Variants in CFAP47 observed in about 807,000 individuals in gnomAD.
CFAP47 encodes the protein cilia and flagella associated protein 47.
A neutral mutation model predicts 148.1 loss-of-function variants in CFAP47; 29 were observed. The ratio of observed to expected loss-of-function variants is 0.20; its 90% CI spans 0.15 to 0.27. The LOEUF (loss-of-function observed/expected upper bound fraction) is 0.27, where lower values mean the gene tolerates loss of function less well. Ranked by LOEUF, CFAP47 falls within the 10% of genes least tolerant of loss-of-function variation. The pLI is 1.00. For missense variants in CFAP47, 1,872 were observed against 1,697.5 expected, an observed-to-expected ratio of 1.10 and a Z score of -1.81; for synonymous variants, 664 against 577.3, an observed-to-expected ratio of 1.15 and a Z score of -2.15.
intron 39 of CFAP47, among the ~76,000 whole-genome samples, chrX:36,174,229 A>G (rs1256873685): frequency 9.1e-6 from 1 of 109,722 alleles, no homozygotes; most frequent in African/African-American, 3.3e-5. Context: ...AATACAGCAC[A>G]CTGATGGGTC....
In CFAP47 at chrX:36,243,566, A is replaced by G. The variant is rs185138322; in HGVS notation, c.7332+6707A>G. On this transcript the variant is annotated intron_variant, in intron 48 of 63. Coordinates refer to ENST00000378653, the MANE Select transcript of CFAP47 (RefSeq NM_001304548.2). Reference sequence around the variant, plus strand: ...AGATAAAATAGAGTTTAAACCAACAACAATTAAGAAGAACAAAAAAAGGCA... The same window carrying G: ...AGATAAAATAGAGTTTAAACCAACAGCAATTAAGAAGAACAAAAAAAGGCA... Among the ~76,000 whole-genome samples, 536 of 105,188 alleles carry G rather than the reference A, an allele frequency of 5.1e-3. 1 individual carries two copies. The highest frequency in any genetic ancestry group is 0.017 in the African/African-American group (512 of 29,638). 91.3% of individuals were successfully genotyped at this position (105,188 alleles called of 115,157 possible). A position where few individuals can be genotyped will look rare whatever the true frequency, so the allele number is the denominator to read the frequency against.
intron 29 of CFAP47, among the ~76,000 whole-genome samples, chrX:36,080,865 C>T (rs1043792974): frequency 2.7e-5 from 3 of 111,369 alleles, no homozygotes; most frequent in African/African-American, 9.8e-5. Flanking sequence ...ACCAACACAG[C>T]GCATGTATAC....
chrX:36,269,191 A>G (rs1714709963), intron 49 of CFAP47, among the ~76,000 whole-genome samples: 2 of 112,208 alleles, frequency 1.8e-5, no homozygotes, highest in South Asian at 3.6e-4. Flanking sequence ...TAACTCATAG[A>G]AAAAGGTTAC....
chrX:36,227,849 A>C (rs1940288453), intron 45 of CFAP47, among the ~76,000 whole-genome samples: 1 of 111,965 alleles, frequency 8.9e-6, no homozygotes, highest in Non-Finnish European at 1.9e-5. Flanking sequence ...GGGTTGCCAA[A>C]TTTTTATAAC....
intron 21 of CFAP47, among the ~76,000 whole-genome samples, chrX:36,013,389 G>A (rs1255929227): frequency 1.8e-5 from 2 of 111,949 alleles, no homozygotes; most frequent in Non-Finnish European, 3.8e-5. Context: ...TCACAGCCAA[G>A]GAATTCGCTT....
intron 29 of CFAP47, among the ~76,000 whole-genome samples, chrX:36,079,745 G>T (rs146505606): frequency 0.029 from 3,247 of 111,468 alleles, 129 homozygotes; most frequent in African/African-American, 0.1. Flanking sequence ...GCTGAAACTG[G>T]ATCCCTTCCT....
At chrX:36,183,977 G>A (rs1026865563) in intron 40 of CFAP47, among the ~76,000 whole-genome samples, 2 of 110,341 alleles carry the variant, frequency 1.8e-5, no homozygotes, top group African/African-American at 3.3e-5. Flanking sequence ...CTTATTAAGT[G>A]GCAACTCAGG....
At chrX:36,008,488 G>A (rs1295389716) in intron 21 of CFAP47, among the ~76,000 whole-genome samples, 1 of 110,706 alleles carries the variant, frequency 9.0e-6, no homozygotes, top group Non-Finnish European at 1.9e-5. Flanking sequence ...GCCTGCTTCT[G>A]GCTGGGTATG....
chrX:36,131,316 C>T (rs1231564902), intron 33 of CFAP47, among the ~76,000 whole-genome samples: 1 of 111,073 alleles, frequency 9.0e-6, no homozygotes, highest in Non-Finnish European at 1.9e-5. Context: ...AATGGTGCAA[C>T]CACTTTGCAA....
Position 36,206,392 on chromosome X carries a change from T to A in CFAP47, c.6817+1282T>A, listed in dbSNP as rs191456426. Among the ~76,000 whole-genome samples the A allele has an allele frequency of 2.1e-3, 237 of 111,852 alleles. 1 individual carries two copies. The highest frequency in any genetic ancestry group is 7.4e-3 in the African/African-American group (229 of 30,940). On this transcript the variant is annotated intron_variant, in intron 45 of 63. Transcript: ENST00000378653. Reference sequence around the variant, plus strand: ...AACACAGAGAGGATTGTGAATGTATTTATTCAGCCATTCGTTCATCGACAA... The same window carrying A: ...AACACAGAGAGGATTGTGAATGTATATATTCAGCCATTCGTTCATCGACAA...
chrX:35,996,290 A>G (rs900199491), intron 18 of CFAP47, among the ~76,000 whole-genome samples: 2 of 111,686 alleles, frequency 1.8e-5, no homozygotes, highest in African/African-American at 6.5e-5. Flanking sequence ...ATTTTAGTCA[A>G]ATATGTTTTT....
chrX:35,943,384 C>G (rs991663824), intron 3 of CFAP47, among the ~76,000 whole-genome samples: 1 of 111,703 alleles, frequency 9.0e-6, no homozygotes, highest in Non-Finnish European at 1.9e-5. Context: ...TGTTTTCTCT[C>G]TCTGGTAGTA....
At chrX:36,072,464 G>A (rs1294596226) in intron 28 of CFAP47, among the ~76,000 whole-genome samples, 1 of 111,748 alleles carries the variant, frequency 8.9e-6, no homozygotes, top group Non-Finnish European at 1.9e-5. Flanking sequence ...AAAGAGGTCA[G>A]CACAGATAAA....
intron 42 of CFAP47, among the ~76,000 whole-genome samples, chrX:36,193,936 A>G (rs1394290397): frequency 9.0e-6 from 1 of 111,578 alleles, no homozygotes; most frequent in Admixed American, 9.5e-5. Flanking sequence ...GACTGTAAAG[A>G]GTCCACATGC....
At chrX:36,223,384 A>G (rs182879985) in intron 45 of CFAP47, among the ~76,000 whole-genome samples, 10 of 110,766 alleles carry the variant, frequency 9.0e-5, no homozygotes, top group African/African-American at 2.3e-4. Flanking sequence ...AAAATTCTCT[A>G]AAATATAATT....
intron 54 of CFAP47, among the ~76,000 whole-genome samples, chrX:36,304,430 C>T (rs1941329771): frequency 1.8e-5 from 2 of 110,249 alleles, no homozygotes; most frequent in South Asian, 7.7e-4. Flanking sequence ...TATACTTCTC[C>T]CCTTGAATTT....
At chrX:36,283,899 C>T (rs1941105736) in intron 50 of CFAP47, among the ~76,000 whole-genome samples, 1 of 111,861 alleles carries the variant, frequency 8.9e-6, no homozygotes, top group Non-Finnish European at 1.9e-5. Context: ...AGTCGTTCCA[C>T]TGATCTTTGC....
At chrX:36,332,073 G>T (rs55888432) in intron 57 of CFAP47, among the ~76,000 whole-genome samples, 1 of 111,457 alleles carries the variant, frequency 9.0e-6, no homozygotes, top group Non-Finnish European at 1.9e-5. Context: ...ATTTACTTTT[G>T]ATTGGAAAAA....
intron 39 of CFAP47, among the ~76,000 whole-genome samples, chrX:36,173,378 T>C (rs1229781162): frequency 2.7e-5 from 3 of 112,014 alleles, no homozygotes; most frequent in Admixed American, 9.5e-5. Context: ...TCTAGTTCTT[T>C]TAATTGTGAT....
Sources: gnomAD v4.1 joint callset for allele counts (sites outside exome capture counted in the v4.1 genomes callset) on GRCh38, gnomAD v4.1.1 for gene constraint, MANE v1.5 for transcripts, NCBI Gene and HGNC (gene_info 2026-07-23, HGNC 2026-07-21) for gene names.